RGL1: variants seen among roughly 807,000 people sequenced by gnomAD.
RGL1 encodes the protein ral guanine nucleotide dissociation stimulator-like 1.
Under a neutral mutation model 95.2 loss-of-function variants are expected in RGL1, and 24 were observed. That is an observed-to-expected ratio of 0.25 (90% CI 0.18 to 0.35). The LOEUF is 0.35. RGL1 is among the 10% of genes least tolerant of loss of function. The pLI is 1.00. For missense variants in RGL1, 715 were observed against 936.3 expected (o/e 0.76, Z 3.08); for synonymous variants, 329 against 344.9 (o/e 0.95, Z 0.51).
intron 1 of RGL1, among the ~76,000 whole-genome samples, chr1:183,707,471 C>T (rs1338089646): frequency 7.2e-5 from 11 of 152,060 alleles, no homozygotes; most frequent in Non-Finnish European, 1.0e-4. Flanking sequence ...CTAGCACAGG[C>T]GCTGAAGTAA....
intron 2 of RGL1, among the ~76,000 whole-genome samples, chr1:183,769,237 A>G (rs189717095): frequency 2.0e-5 from 3 of 152,252 alleles, no homozygotes; most frequent in Non-Finnish European, 4.4e-5. Context: ...ACTCAGCTAT[A>G]TTCATTAAAC....
intron 14 of RGL1, among the ~76,000 whole-genome samples, chr1:183,909,836 C>G (rs1243934028): frequency 2.0e-5 from 3 of 152,156 alleles, no homozygotes; most frequent in Non-Finnish European, 4.4e-5. Context: ...CCTTTTACCA[C>G]TACTTGTGGT....
intron 3 of RGL1, among the ~76,000 whole-genome samples, chr1:183,852,600 G>A (rs1244875560): frequency 6.6e-6 from 1 of 152,064 alleles, no homozygotes; most frequent in African/African-American, 2.4e-5. Flanking sequence ...GATCACCTGA[G>A]GTCAGGAGTT....
At chr1:183,832,021 G>T (rs1008769011) in intron 2 of RGL1, among the ~76,000 whole-genome samples, 1 of 152,124 alleles carries the variant, frequency 6.6e-6, no homozygotes, top group Non-Finnish European at 1.5e-5. Context: ...GTAGCTTGTT[G>T]GACTTTATTA....
chr1:183,750,181 C>A (rs557238311), intron 2 of RGL1, among the ~76,000 whole-genome samples: 2 of 152,206 alleles, frequency 1.3e-5, no homozygotes, highest in Non-Finnish European at 2.9e-5. Context: ...TTCTCCCCAT[C>A]GCTTTCAGGT....
intron 1 of RGL1, chr1:183,646,631 C>T (rs941117094): frequency 6.6e-6 from 1 of 152,164 alleles, no homozygotes; most frequent in Non-Finnish European, 1.5e-5. Flanking sequence ...TACAAATATT[C>T]ACTGGTGACG....
intron 9 of RGL1, among the ~76,000 whole-genome samples, chr1:183,897,212 A>T (rs916916897): frequency 6.6e-6 from 1 of 152,180 alleles, no homozygotes; most frequent in Non-Finnish European, 1.5e-5. Context: ...TGCTTTCATA[A>T]CCAAATCAGG....
chr1:183,663,071 T>C (rs1651763906), intron 1 of RGL1, among the ~76,000 whole-genome samples: 1 of 151,376 alleles, frequency 6.6e-6, no homozygotes, highest in African/African-American at 2.4e-5. Flanking sequence ...TCAAGATGGA[T>C]TAAAGACTTA....
intron 16 of RGL1, among the ~76,000 whole-genome samples, chr1:183,920,616 C>T (rs191300188): frequency 4.3e-4 from 66 of 152,334 alleles, no homozygotes; most frequent in Non-Finnish European, 8.1e-4. Flanking sequence ...ACTTACCCAC[C>T]TTAGCCTGAC....
chr1:183,905,633 A>G (rs914816160), intron 13 of RGL1, among the ~76,000 whole-genome samples: 1 of 152,168 alleles, frequency 6.6e-6, no homozygotes, highest in Admixed American at 6.5e-5. Flanking sequence ...CAGGTGTGGC[A>G]GGGACACAAA....
chr1:183,856,708 T>A (rs776071659), intron 3 of RGL1, among the ~76,000 whole-genome samples: 1 of 151,672 alleles, frequency 6.6e-6, no homozygotes, highest in South Asian at 2.1e-4. Context: ...TGGACTTAGA[T>A]CTTATTTCCT....
At chr1:183,691,044 T>TTAAAAAATAAAAA (rs1306455308) in intron 1 of RGL1, among the ~76,000 whole-genome samples, 6 of 152,096 alleles carry the variant, frequency 3.9e-5, no homozygotes, top group African/African-American at 1.4e-4. Flanking sequence ...TTTTGGAACT[T>TTAAAAAATAAAAA]TAAAAAATAA....
chr1:183,863,542 G>A (rs946743786), intron 3 of RGL1, among the ~76,000 whole-genome samples: 2 of 152,082 alleles, frequency 1.3e-5, no homozygotes, highest in Non-Finnish European at 2.9e-5. Flanking sequence ...TGGCTACTGG[G>A]CAGAAGCTGG....
intron 4 of RGL1, 93 bp from the exon 5 acceptor site, chr1:183,880,523 A>T: frequency 8.9e-7 from 1 of 1,120,304 alleles, no homozygotes; most frequent in Non-Finnish European, 1.3e-6. Flanking sequence ...CCAAGTTTCC[A>T]GGGGTGCCCC....
intron 3 of RGL1, among the ~76,000 whole-genome samples, chr1:183,861,976 TAA>T (rs1269532373): frequency 1.3e-5 from 2 of 152,154 alleles, no homozygotes; most frequent in African/African-American, 4.8e-5. Flanking sequence ...CCTGAACATT[TAA>T]AGAGTTCTGG....
intron 1 of RGL1, among the ~76,000 whole-genome samples, chr1:183,714,315 G>A (rs1365000123): frequency 6.6e-6 from 1 of 152,180 alleles, no homozygotes; most frequent in Non-Finnish European, 1.5e-5. Flanking sequence ...TGATGACCAT[G>A]TACAGTTTTT....
chr1:183,798,930 A>T (rs1300566733), intron 2 of RGL1, among the ~76,000 whole-genome samples: 2 of 122,140 alleles, frequency 1.6e-5, no homozygotes, highest in African/African-American at 6.5e-5. Context: ...GCCCAGGCTG[A>T]GTCTTGCTCT....
intron 1 of RGL1, among the ~76,000 whole-genome samples, chr1:183,642,365 T>G (rs545737172): frequency 6.6e-6 from 1 of 152,318 alleles, no homozygotes; most frequent in East Asian, 1.9e-4. Context: ...GTTATATAAT[T>G]TGGCCAATGA....
chr1:183,686,660 G>A (rs1653605746), intron 1 of RGL1, among the ~76,000 whole-genome samples: 1 of 152,116 alleles, frequency 6.6e-6, no homozygotes, highest in Middle Eastern at 3.2e-3. Context: ...TAGCTAACAT[G>A]TGACTAGCCA....
Sources: gnomAD v4.1 joint callset for allele counts (sites outside exome capture counted in the v4.1 genomes callset) on GRCh38, gnomAD v4.1.1 for gene constraint, MANE v1.5 for transcripts, NCBI Gene and HGNC (gene_info 2026-07-23, HGNC 2026-07-21) for gene names.